Variants in PRICKLE1 observed in about 807,000 individuals in gnomAD.
The protein encoded by PRICKLE1 is prickle planar cell polarity protein 1.
A neutral mutation model predicts 70.2 loss-of-function variants in PRICKLE1; 14 were observed. The observed-to-expected ratio is 0.20, with a 90% CI of 0.13 to 0.31. The LOEUF (loss-of-function observed/expected upper bound fraction) is 0.31. PRICKLE1 is among the 10% of genes least tolerant of loss of function. The probability of loss-of-function intolerance (pLI) is 1.00; values close to 1 mark genes in which losing one functional copy is unlikely to be tolerated. For synonymous variants in PRICKLE1, 357 were observed against 379.9 expected (o/e 0.94, Z 0.70); for missense variants, 821 against 1,026.2 (o/e 0.80, Z 2.73).
intron 1 of PRICKLE1, among the ~76,000 whole-genome samples, chr12:42,523,246 C>T (rs540448591): frequency 2.6e-4 from 40 of 152,314 alleles, no homozygotes; most frequent in African/African-American, 8.9e-4. Context: ...GGATTACAGG[C>T]GTAAGCCACC....
At chr12:42,505,467 AC>A (rs1197400788) in intron 1 of PRICKLE1, among the ~76,000 whole-genome samples, 1 of 151,944 alleles carries the variant, frequency 6.6e-6, no homozygotes, top group Non-Finnish European at 1.5e-5. Context: ...ACAGAGTCTC[AC>A]TCTGTTGCCC....
At chr12:42,477,992 C>T (rs114338891) in intron 1 of PRICKLE1, among the ~76,000 whole-genome samples, 2,334 of 144,542 alleles carry the variant, frequency 0.016, 62 homozygotes, top group African/African-American at 0.056. Context: ...TTTATTTGGA[C>T]GTTACTTTAA....
chr12:42,477,492 A>ATGTGACC (rs1938610181), intron 1 of PRICKLE1, among the ~76,000 whole-genome samples: 1 of 15,464 alleles, frequency 6.5e-5, no homozygotes, highest in African/African-American at 4.8e-4. Flanking sequence ...GTATATATAT[A>ATGTGACC]TATATATATA....
At chr12:42,496,265 C>A (rs1166417158) in intron 1 of PRICKLE1, among the ~76,000 whole-genome samples, 1 of 152,150 alleles carries the variant, frequency 6.6e-6, no homozygotes, top group Non-Finnish European at 1.5e-5. Context: ...TTAAAGAAAT[C>A]TTTTTTTCTG....
At chr12:42,477,456 A>T (rs1938596442) in intron 1 of PRICKLE1, among the ~76,000 whole-genome samples, 1 of 127,886 alleles carries the variant, frequency 7.8e-6, no homozygotes, top group Admixed American at 8.3e-5. Flanking sequence ...ATATGTATAT[A>T]CGTATATATG....
At chr12:42,525,159 A>G (rs1020416673) in intron 1 of PRICKLE1, 1 of 152,196 alleles carries the variant, frequency 6.6e-6, no homozygotes, top group African/African-American at 2.4e-5. Flanking sequence ...CTACATAATG[A>G]TAAAAGCTCA....
intron 1 of PRICKLE1, among the ~76,000 whole-genome samples, chr12:42,588,336 G>A (rs2120826739): frequency 6.6e-6 from 1 of 152,288 alleles, no homozygotes; most frequent in East Asian, 1.9e-4. Flanking sequence ...TGATTAAGAC[G>A]AGGCAGTAGA....
chr12:42,555,247 T>A (rs1940395476), intron 1 of PRICKLE1, among the ~76,000 whole-genome samples: 1 of 152,076 alleles, frequency 6.6e-6, no homozygotes, highest in Admixed American at 6.6e-5. Flanking sequence ...GAGGTTGTAG[T>A]GAGTCGAGAT....
At chr12:42,577,700 C>T (rs1940826260) in intron 1 of PRICKLE1, among the ~76,000 whole-genome samples, 1 of 152,008 alleles carries the variant, frequency 6.6e-6, no homozygotes, top group African/African-American at 2.4e-5. Flanking sequence ...GTACGAAGGC[C>T]AGAAAATTAT....
intron 1 of PRICKLE1, among the ~76,000 whole-genome samples, chr12:42,539,871 T>G (rs1343347219): frequency 6.6e-6 from 1 of 152,198 alleles, no homozygotes; most frequent in Non-Finnish European, 1.5e-5. Flanking sequence ...TGGTTTTGAT[T>G]TTGGACTTCA....
At chr12:42,497,925 C>T (rs893833051) in intron 1 of PRICKLE1, among the ~76,000 whole-genome samples, 1 of 152,146 alleles carries the variant, frequency 6.6e-6, no homozygotes, top group Non-Finnish European at 1.5e-5. Flanking sequence ...TAACTCACTC[C>T]CTCAGGTCTG....
intron 1 of PRICKLE1, among the ~76,000 whole-genome samples, chr12:42,480,469 T>C (rs1308708220): frequency 6.6e-6 from 1 of 152,228 alleles, no homozygotes; most frequent in Non-Finnish European, 1.5e-5. Flanking sequence ...GCTTAAGGAC[T>C]TCTCCTATAA....
At chr12:42,516,007 C>T (rs1347387233) in intron 1 of PRICKLE1, among the ~76,000 whole-genome samples, 1 of 152,176 alleles carries the variant, frequency 6.6e-6, no homozygotes, top group Non-Finnish European at 1.5e-5. Context: ...TACTGGATCC[C>T]TGGACTGGAC....
intron 1 of PRICKLE1, among the ~76,000 whole-genome samples, chr12:42,521,608 G>A (rs948189073): frequency 1.3e-5 from 2 of 152,106 alleles, no homozygotes; most frequent in Non-Finnish European, 2.9e-5. Context: ...GCTGAGGTCG[G>A]GGGGATCGCT....
intron 1 of PRICKLE1, among the ~76,000 whole-genome samples, chr12:42,492,222 C>T (rs1474594739): frequency 6.6e-6 from 1 of 152,152 alleles, no homozygotes; most frequent in Non-Finnish European, 1.5e-5. Flanking sequence ...CCATCTCAGC[C>T]TCTCAAGTAG....
intron 1 of PRICKLE1, among the ~76,000 whole-genome samples, chr12:42,537,138 TA>T (rs1940027781): frequency 6.6e-6 from 1 of 151,578 alleles, no homozygotes. Context: ...GGGGCCTAAG[TA>T]GAGACTTTTT....
At chr12:42,585,040 T>C (rs545507778) in intron 1 of PRICKLE1, among the ~76,000 whole-genome samples, 2 of 152,076 alleles carry the variant, frequency 1.3e-5, no homozygotes, top group Admixed American at 6.5e-5. Flanking sequence ...AACTTTTTTT[T>C]TTTTTTCTGA....
chr12:42,472,370 T>C lies in PRICKLE1; in HGVS notation c.132+15A>G. The C allele has an allele frequency of 1.2e-6, 2 of 1,614,030 alleles. No individual in the cohort carries two copies. The highest frequency in any genetic ancestry group is 1.1e-5 in the South Asian group (1 of 91,074). ...TGAAAAACAAAGAGTAAATATAGGA[T>C]GATGAAGTTCCTACCTGCTCTGGTC... is the stretch of plus-strand genomic sequence containing the variant. On this transcript the variant is annotated intron_variant, in intron 2 of 7. Transcript: ENST00000345127.
intron 2 of PRICKLE1, among the ~76,000 whole-genome samples, chr12:42,471,967 C>T (rs1021295047): frequency 6.6e-6 from 1 of 152,206 alleles, no homozygotes; most frequent in African/African-American, 2.4e-5. Flanking sequence ...CACTATCTCG[C>T]TTCCAAAGCA....
Sources: allele counts gnomAD v4.1 joint callset (sites outside exome capture counted in the v4.1 genomes callset), GRCh38; gene constraint gnomAD v4.1.1; transcripts MANE v1.5; gene names NCBI Gene and HGNC (gene_info 2026-07-23, HGNC 2026-07-21).